The following ANKRD22 variants were observed in gnomAD, a reference collection of about 807,000 sequenced individuals.
ANKRD22 encodes the protein ankyrin repeat domain 22.
ANKRD22 carries 24 observed loss-of-function variants against 25.7 expected under a neutral mutation model. The ratio of observed to expected loss-of-function variants is 0.93; its 90% CI spans 0.68 to 1.31. ANKRD22 has a LOEUF of 1.31. Ranked by LOEUF, ANKRD22 falls within the 50% of genes most tolerant of loss-of-function variation. The pLI, the probability that ANKRD22 is intolerant of heterozygous loss-of-function variation, is 0.00. For synonymous variants in ANKRD22, 84 were observed against 84.3 expected, an observed-to-expected ratio of 1.00 and a Z score of 0.02; for missense variants, 214 against 227.1, an observed-to-expected ratio of 0.94 and a Z score of 0.37.
Position 88,851,823 on chromosome 10 carries a change from C to A in ANKRD22, c.-216G>T. On this transcript the variant is annotated 5_prime_UTR_variant, in exon 1 of 6. Coordinates refer to ENST00000371930, the MANE Select transcript of ANKRD22 (RefSeq NM_144590.3). ...TTCCAGAGAGCCCAGCCCAATGAAA[C>A]AAAGGCACTGGTGTCATGTGTAACG... 1.8e-6 allele frequency: 1 copy of A among 571,326 alleles called. No individual in the cohort carries two copies. The highest frequency in any genetic ancestry group is 4.7e-4 in the Middle Eastern group (1 of 2,150). The allele number at this position is 571,326 out of a possible 1,614,324, so 35.4% of individuals were successfully genotyped here. A position where few individuals can be genotyped will look rare whatever the true frequency, so the allele number is the denominator to read the frequency against.
At chr10:88,847,983 T>C (rs1029808576) in intron 1 of ANKRD22, among the ~76,000 whole-genome samples, 1 of 151,816 alleles carries the variant, frequency 6.6e-6, no homozygotes, top group Non-Finnish European at 1.5e-5. Context: ...TTTTCTCTTG[T>C]TAATTCTGAG....
intron 4 of ANKRD22, among the ~76,000 whole-genome samples, chr10:88,825,007 TCTCTCA>T (rs1481161121): frequency 1.4e-3 from 163 of 115,520 alleles, no homozygotes; most frequent in East Asian, 3.0e-3. Context: ...TCTCTCTCTC[TCTCTCA>T]CACACACACA....
chr10:88,834,907 C>T (rs114085460), intron 1 of ANKRD22, among the ~76,000 whole-genome samples: 7 of 151,278 alleles, frequency 4.6e-5, no homozygotes, highest in African/African-American at 1.5e-4. Flanking sequence ...CCAGCCTGGG[C>T]GACACAGCGA....
chr10:88,835,309 C>A (rs953193883), intron 1 of ANKRD22, among the ~76,000 whole-genome samples: 12 of 152,268 alleles, frequency 7.9e-5, no homozygotes, highest in African/African-American at 2.9e-4. Context: ...AGATCCAAGA[C>A]ACAGAGTTAC....
intron 1 of ANKRD22, among the ~76,000 whole-genome samples, chr10:88,839,149 A>C (rs1352696641): frequency 2.0e-5 from 3 of 152,088 alleles, no homozygotes; most frequent in Admixed American, 6.6e-5. Context: ...CATGTGACCT[A>C]TATGGCGGGC....
intron 2 of ANKRD22, among the ~76,000 whole-genome samples, chr10:88,829,310 G>C (rs925739669): frequency 6.6e-6 from 1 of 152,226 alleles, no homozygotes; most frequent in Non-Finnish European, 1.5e-5. Flanking sequence ...AAATCAGTAA[G>C]AGGAGAGGGA....
intron 3 of ANKRD22, among the ~76,000 whole-genome samples, chr10:88,826,952 G>A (rs578229225): frequency 3.9e-5 from 6 of 152,188 alleles, no homozygotes; most frequent in Non-Finnish European, 7.3e-5. Context: ...ATAAACATAC[G>A]TTAAAGAATT....
At chr10:88,826,722 GACCCACCTGACCAGGT>G (rs780860961) in intron 3 of ANKRD22, among the ~76,000 whole-genome samples, 11 of 152,038 alleles carry the variant, frequency 7.2e-5, no homozygotes, top group Non-Finnish European at 2.9e-5. Flanking sequence ...AGCTTTCCCT[GACCCACCTGACCAGGT>G]GAAATCCCTC....
chr10:88,828,030 T>A (rs552359917), intron 3 of ANKRD22, among the ~76,000 whole-genome samples: 2 of 152,356 alleles, frequency 1.3e-5, no homozygotes, highest in South Asian at 4.1e-4. Context: ...TCAAGAAAAT[T>A]GCTGTCTGCC....
chr10:88,848,996 G>A (rs1409425664), intron 1 of ANKRD22, among the ~76,000 whole-genome samples: 1 of 121,068 alleles, frequency 8.3e-6, no homozygotes, highest in African/African-American at 2.8e-5. Flanking sequence ...GTTTGTGTGT[G>A]TGCATGTGCA....
intron 1 of ANKRD22, among the ~76,000 whole-genome samples, chr10:88,848,583 T>C (rs2133083900): frequency 6.6e-6 from 1 of 152,274 alleles, no homozygotes; most frequent in East Asian, 1.9e-4. Context: ...CCCCATTGTC[T>C]CTGCCTAGCC....
In ANKRD22 at chr10:88,820,333, G is replaced by T; in HGVS notation, c.*2608C>A. ...CAAATCCAGAAGACGTGAAAATGCT[G>T]CTCTCTGAGGTGACCAACCTCATCT... On this transcript the variant is annotated 3_prime_UTR_variant, in exon 6 of 6. Coordinates refer to ENST00000371930, the MANE Select transcript of ANKRD22 (RefSeq NM_144590.3). 1 of 1,552,292 alleles carries T rather than the reference G, an allele frequency of 6.4e-7. No homozygotes were observed. Among genetic ancestry groups the T allele is most frequent in the Non-Finnish European group, 8.7e-7 (1 of 1,147,122 alleles).
chr10:88,848,940 T>C (rs1027926197), intron 1 of ANKRD22, among the ~76,000 whole-genome samples: 9 of 152,132 alleles, frequency 5.9e-5, no homozygotes, highest in Admixed American at 4.6e-4. Context: ...TGTAGTAACA[T>C]CAGCTTCTCT....
chr10:88,842,593 G>T (rs900347970), intron 1 of ANKRD22, among the ~76,000 whole-genome samples: 2 of 152,096 alleles, frequency 1.3e-5, no homozygotes, highest in Non-Finnish European at 1.5e-5. Flanking sequence ...AAACCCAGTA[G>T]ATACTCACAA....
chr10:88,825,609 T>C (rs912309425), intron 4 of ANKRD22, among the ~76,000 whole-genome samples: 3 of 152,224 alleles, frequency 2.0e-5, no homozygotes, highest in African/African-American at 7.2e-5. Flanking sequence ...CCCAATGAGA[T>C]AAGTATTATC....
intron 1 of ANKRD22, among the ~76,000 whole-genome samples, chr10:88,847,450 G>C (rs529382258): frequency 2.0e-5 from 3 of 152,124 alleles, no homozygotes; most frequent in South Asian, 4.2e-4. Flanking sequence ...GTAGAGACAG[G>C]GTTTCACCTT....
intron 1 of ANKRD22, among the ~76,000 whole-genome samples, chr10:88,844,019 G>A (rs1844026549): frequency 6.6e-6 from 1 of 152,050 alleles, no homozygotes; most frequent in South Asian, 2.1e-4. Context: ...TAATACTTCA[G>A]TAAAGCACAG....
rs574965523 is a variant in ANKRD22 at position 88,828,683 on chromosome 10, G to T, written c.214-17C>A. The T allele has an allele frequency of 3.9e-6, 6 of 1,528,482 alleles. No homozygotes were observed. In the Admixed American group the frequency reaches 5.9e-5, roughly 15 times the overall value. 94.7% of individuals were successfully genotyped at this position (1,528,482 alleles called of 1,614,324 possible). The stretch of plus-strand genomic sequence containing the variant: ...TCTCTCTTTCTAAAAATTAAGAAAA[G>T]GATTCTTTACTAATAAAGCATTTCA... On this transcript the variant is annotated splice_polypyrimidine_tract_variant and intron_variant, in intron 2 of 5. Coordinates refer to ENST00000371930, the MANE Select transcript of ANKRD22 (RefSeq NM_144590.3).
intron 1 of ANKRD22, among the ~76,000 whole-genome samples, chr10:88,832,264 C>T (rs1011207889): frequency 2.6e-5 from 4 of 152,068 alleles, no homozygotes; most frequent in Non-Finnish European, 4.4e-5. Flanking sequence ...TTATGTCCAT[C>T]AAATGGATGA....
Sources: gnomAD v4.1 joint callset for allele counts (sites outside exome capture counted in the v4.1 genomes callset) on GRCh38, gnomAD v4.1.1 for gene constraint, MANE v1.5 for transcripts, NCBI Gene and HGNC (gene_info 2026-07-23, HGNC 2026-07-21) for gene names.